GRM8: variants seen among roughly 807,000 people sequenced by gnomAD.
The protein encoded by GRM8 is metabotropic glutamate receptor 8.
A neutral mutation model predicts 87.2 loss-of-function variants in GRM8; 47 were observed. That is an observed-to-expected ratio of 0.54 (90% CI 0.43 to 0.69). The LOEUF (loss-of-function observed/expected upper bound fraction) is 0.69. Ranked by LOEUF, GRM8 falls within the 30% of genes least tolerant of loss-of-function variation. GRM8 has a pLI of 0.00. For missense variants in GRM8, 1,019 were observed against 1,139.2 expected (o/e 0.89, Z 1.52); for synonymous variants, 396 against 404.5 (o/e 0.98, Z 0.25).
At chr7:126,808,778 C>A (rs200049010) in intron 6 of GRM8, among the ~76,000 whole-genome samples, 1 of 152,160 alleles carries the variant, frequency 6.6e-6, no homozygotes, top group African/African-American at 2.4e-5. Context: ...AGAACTATTT[C>A]TTGAGGTTCC....
At chr7:126,656,037 C>A (rs1804487770) in intron 7 of GRM8, among the ~76,000 whole-genome samples, 1 of 152,194 alleles carries the variant, frequency 6.6e-6, no homozygotes, top group Non-Finnish European at 1.5e-5. Flanking sequence ...GCCTACCAAT[C>A]ATCAAATTCA....
At chr7:126,738,624 T>C (rs1421198547) in intron 7 of GRM8, among the ~76,000 whole-genome samples, 1 of 145,678 alleles carries the variant, frequency 6.9e-6, no homozygotes, top group Non-Finnish European at 1.5e-5. Flanking sequence ...TAGATCTTTC[T>C]AGAGAGATGA....
At chr7:126,507,770 G>A (rs191013148) in intron 9 of GRM8, among the ~76,000 whole-genome samples, 2 of 151,822 alleles carry the variant, frequency 1.3e-5, no homozygotes, top group African/African-American at 2.4e-5. Context: ...CTTCTTTTTC[G>A]AGCTTGTCTA....
chr7:127,246,588 C>T (rs894619485), intron 1 of GRM8, among the ~76,000 whole-genome samples: 2 of 152,134 alleles, frequency 1.3e-5, no homozygotes, highest in Non-Finnish European at 2.9e-5. Flanking sequence ...TGCACTCCCC[C>T]GCCAGCCCAC....
chr7:127,194,107 C>T (rs1037350907), intron 2 of GRM8, among the ~76,000 whole-genome samples: 1 of 152,160 alleles, frequency 6.6e-6, no homozygotes, highest in African/African-American at 2.4e-5. Flanking sequence ...GTAGCTTCCC[C>T]TCACTCTTTC....
intron 3 of GRM8, among the ~76,000 whole-genome samples, chr7:127,045,311 G>GTT (rs1216209727): frequency 9.8e-5 from 14 of 142,186 alleles, no homozygotes; most frequent in African/African-American, 1.8e-4. Context: ...ATTATCTGGA[G>GTT]TTTTTTTTTT....
intron 9 of GRM8, among the ~76,000 whole-genome samples, chr7:126,480,168 T>C (rs1045903771): frequency 3.9e-5 from 6 of 152,074 alleles, no homozygotes; most frequent in African/African-American, 9.7e-5. Context: ...ACAGATCACA[T>C]GAGGCCATGA....
chr7:126,889,154 A>G (rs546547760), intron 6 of GRM8, among the ~76,000 whole-genome samples: 9 of 152,160 alleles, frequency 5.9e-5, no homozygotes, highest in Non-Finnish European at 1.2e-4. Flanking sequence ...CATAAAAAGA[A>G]ACCAGAGCAA....
At chr7:127,215,755 A>T (rs1587295767) in intron 2 of GRM8, among the ~76,000 whole-genome samples, 1 of 152,322 alleles carries the variant, frequency 6.6e-6, no homozygotes, top group East Asian at 1.9e-4. Context: ...ATTCTTCATA[A>T]TACTAGAAGC....
intron 7 of GRM8, among the ~76,000 whole-genome samples, chr7:126,669,762 A>C (rs536426585): frequency 6.6e-6 from 1 of 152,356 alleles, no homozygotes; most frequent in African/African-American, 2.4e-5. Context: ...ACTACTCAAA[A>C]TAGATTTACA....
rs1225178509 is a variant in GRM8, at chr7:126,904,533, A to C, written c.863+15T>G. On this transcript the variant is annotated intron_variant, in intron 4 of 10. Transcript: ENST00000339582. ...ACAAATCTGACCCTACATACAGAAGAAAAGTAATCAGCACCTGATGTCATC... is the reference window on the plus strand; with the variant it reads ...ACAAATCTGACCCTACATACAGAAGCAAAGTAATCAGCACCTGATGTCATC... 8.7e-6 allele frequency: 14 copies of C among 1,611,234 alleles called. No individual in the cohort carries two copies. Among genetic ancestry groups the C allele is most frequent in the Non-Finnish European group, 1.0e-5 (12 of 1,177,656 alleles).
At chr7:127,242,595 A>G (rs1798371719) in intron 2 of GRM8, 100 bp downstream of exon 2, 1 of 1,152,778 alleles carries the variant, frequency 8.7e-7, no homozygotes, top group Non-Finnish European at 1.2e-6. Context: ...AGGGTCTATG[A>G]GCACCTTCAC....
intron 3 of GRM8, among the ~76,000 whole-genome samples, chr7:126,915,493 C>CTAGA: frequency 6.6e-6 from 1 of 152,310 alleles, no homozygotes; most frequent in Non-Finnish European, 1.5e-5. Flanking sequence ...ACAACTCATA[C>CTAGA]TAGAGATTCC....
At chr7:126,815,693 C>A (rs1793721339) in intron 6 of GRM8, among the ~76,000 whole-genome samples, 1 of 152,058 alleles carries the variant, frequency 6.6e-6, no homozygotes, top group Non-Finnish European at 1.5e-5. Flanking sequence ...TTTCTCACAG[C>A]CTGAATTGGG....
At chr7:127,023,525 T>C (rs1183166683) in intron 3 of GRM8, among the ~76,000 whole-genome samples, 6 of 152,124 alleles carry the variant, frequency 3.9e-5, no homozygotes, top group Non-Finnish European at 5.9e-5. Context: ...CAGTGGTATT[T>C]AAGGAGAAAA....
intron 6 of GRM8, among the ~76,000 whole-genome samples, chr7:126,798,358 T>C (rs1460411250): frequency 6.6e-6 from 1 of 152,052 alleles, no homozygotes; most frequent in East Asian, 1.9e-4. Context: ...AGTCCAGAAG[T>C]CTAAGGCAAA....
intron 7 of GRM8, among the ~76,000 whole-genome samples, chr7:126,759,654 C>T (rs966181581): frequency 6.6e-6 from 1 of 152,096 alleles, no homozygotes; most frequent in Non-Finnish European, 1.5e-5. Flanking sequence ...CAAACTAATC[C>T]TTATATGTAG....
intron 2 of GRM8, among the ~76,000 whole-genome samples, chr7:127,227,423 T>C (rs1459339956): frequency 6.6e-6 from 1 of 152,218 alleles, no homozygotes; most frequent in Non-Finnish European, 1.5e-5. Context: ...ATTCTAGACA[T>C]GGAAACGAGA....
intron 3 of GRM8, among the ~76,000 whole-genome samples, chr7:127,102,499 C>T (rs1825381271): frequency 6.6e-6 from 1 of 152,240 alleles, no homozygotes; most frequent in Admixed American, 6.5e-5. Flanking sequence ...CCCTGTGCAG[C>T]CTCAGGACAC....
Sources: allele counts gnomAD v4.1 joint callset (sites outside exome capture counted in the v4.1 genomes callset), GRCh38; gene constraint gnomAD v4.1.1; transcripts MANE v1.5; gene names NCBI Gene and HGNC (gene_info 2026-07-23, HGNC 2026-07-21).